TMEM135: variants seen among roughly 807,000 people sequenced by gnomAD.
TMEM135 encodes peroxisomal membrane protein 52.
Under a neutral mutation model 60.3 loss-of-function variants are expected in TMEM135, and 30 were observed. That is an observed-to-expected ratio of 0.50 (90% CI 0.37 to 0.68). The LOEUF is 0.68. TMEM135 is among the 30% of genes least tolerant of loss of function. The pLI is 0.00. For synonymous variants in TMEM135, 190 were observed against 186.7 expected (o/e 1.02, Z -0.14); for missense variants, 468 against 548.8 (o/e 0.85, Z 1.47).
chr11:87,315,148 C>T (rs1485619744), intron 12 of TMEM135, among the ~76,000 whole-genome samples: 2 of 150,798 alleles, frequency 1.3e-5, no homozygotes, highest in African/African-American at 4.9e-5. Context: ...TGCTTTTCTT[C>T]CTCCTCCTCC....
At chr11:87,086,147 C>CT (rs1162717870) in intron 3 of TMEM135, among the ~76,000 whole-genome samples, 2 of 152,260 alleles carry the variant, frequency 1.3e-5, no homozygotes, top group Non-Finnish European at 2.9e-5. Context: ...CTATAATACA[C>CT]TTTTTTTCTG....
chr11:87,289,821 A>G (rs981192083), intron 6 of TMEM135, among the ~76,000 whole-genome samples: 2 of 151,866 alleles, frequency 1.3e-5, no homozygotes, highest in Non-Finnish European at 2.9e-5. Context: ...TCTACTTTCT[A>G]CTTTTCACTT....
chr11:87,180,153 TG>T (rs1939478081), intron 5 of TMEM135, among the ~76,000 whole-genome samples: 2 of 152,158 alleles, frequency 1.3e-5, no homozygotes, highest in Admixed American at 1.3e-4. Flanking sequence ...TTCTGGTTTT[TG>T]TTTTACTTTT....
chr11:87,145,843 A>G (rs996401477), intron 4 of TMEM135, among the ~76,000 whole-genome samples: 1 of 151,830 alleles, frequency 6.6e-6, no homozygotes, highest in Non-Finnish European at 1.5e-5. Flanking sequence ...TCTTTATTGG[A>G]TGGATGGTTT....
intron 6 of TMEM135, among the ~76,000 whole-genome samples, chr11:87,237,547 C>G (rs1941025943): frequency 6.6e-6 from 1 of 151,668 alleles, no homozygotes; most frequent in African/African-American, 2.4e-5. Context: ...TAAAACAATC[C>G]AACCATACCA....
chr11:87,260,789 T>G (rs527929563), intron 6 of TMEM135, among the ~76,000 whole-genome samples: 1 of 152,286 alleles, frequency 6.6e-6, no homozygotes. Context: ...GTGCAGTTGT[T>G]GTTAATAAAC....
At chr11:87,306,208 A>T (rs2135444219) in intron 9 of TMEM135, among the ~76,000 whole-genome samples, 1 of 152,348 alleles carries the variant, frequency 6.6e-6, no homozygotes, top group South Asian at 2.1e-4. Flanking sequence ...ATCCTTAAAT[A>T]ATTTAAAAAA....
In TMEM135 at chr11:87,328,800, C is replaced by A. The variant is rs938813281; in HGVS notation, c.*7467C>A. The A allele has an allele frequency of 5.7e-5, 26 of 453,892 alleles. No individual in the cohort carries two copies. The highest frequency in any genetic ancestry group is 1.0e-4 in the Non-Finnish European group (23 of 226,772). The allele number at this position is 453,892 out of a possible 1,614,324, so 28.1% of individuals were successfully genotyped here. A position where few individuals can be genotyped will look rare whatever the true frequency, so the allele number is the denominator to read the frequency against. The stretch of plus-strand genomic sequence containing the variant: ...TCTTTGCAATTGTGAACTGTGTTAA[C>A]AATAAAAATATATATACGAGTGTCT... On this transcript the variant is annotated 3_prime_UTR_variant, in exon 15 of 15. Coordinates refer to ENST00000305494, the MANE Select transcript of TMEM135 (RefSeq NM_022918.4).
At chr11:87,104,649 T>G (rs1027564577) in intron 4 of TMEM135, among the ~76,000 whole-genome samples, 2 of 152,222 alleles carry the variant, frequency 1.3e-5, no homozygotes, top group African/African-American at 4.8e-5. Context: ...TGGTTAAATA[T>G]ACCCCTAAGG....
chr11:87,227,062 C>G (rs1306296129), intron 5 of TMEM135, among the ~76,000 whole-genome samples: 2 of 151,864 alleles, frequency 1.3e-5, no homozygotes, highest in African/African-American at 2.4e-5. Context: ...AAAAGAAAAA[C>G]AAAAACAAAA....
chr11:87,158,126 A>G (rs544366478), intron 5 of TMEM135, among the ~76,000 whole-genome samples: 3 of 152,240 alleles, frequency 2.0e-5, no homozygotes, highest in East Asian at 1.9e-4. Flanking sequence ...GGGTCTTGCT[A>G]TGTTGCTTAG....
Position 87,302,411 on chromosome 11 carries a change from A to C in TMEM135, c.667A>C (p.Ile223Leu). 6.2e-7 allele frequency: 1 copy of C among 1,613,872 alleles called. No homozygotes were observed. The highest frequency in any genetic ancestry group is 8.5e-7 in the Non-Finnish European group (1 of 1,179,890). The change falls in exon 8 of 15, where the codon ATT becomes CTT. Residue 223 changes from isoleucine (I) to leucine (L), a missense_variant. By Grantham distance (5) the Ile-to-Leu change is conservative (BLOSUM62 2). Transcript: ENST00000305494. Reference sequence around the variant, plus strand: ...GGAAAAACCCGGAAGAATGAATATGATTGGTCTAGTCAGGAAATTTGTGGA... The same window carrying C: ...GGAAAAACCCGGAAGAATGAATATGCTTGGTCTAGTCAGGAAATTTGTGGA... ...HEEKPGRMNM[I>L]GLVRKFVDSI...
intron 6 of TMEM135, among the ~76,000 whole-genome samples, chr11:87,282,468 T>C (rs141717433): frequency 0.025 from 3,790 of 152,314 alleles, 69 homozygotes; most frequent in Non-Finnish European, 0.036. Context: ...TTTCACCATC[T>C]TGGCCAGGCT....
intron 7 of TMEM135, among the ~76,000 whole-genome samples, chr11:87,300,648 G>C (rs1565162913): frequency 1.3e-5 from 2 of 152,160 alleles, no homozygotes; most frequent in Non-Finnish European, 2.9e-5. Flanking sequence ...CTATTACTAT[G>C]TTCATTCATT....
chr11:87,178,349 A>AT (rs1939432406), intron 5 of TMEM135: 1 of 450,704 alleles, frequency 2.2e-6, no homozygotes, highest in Non-Finnish European at 4.4e-6. Flanking sequence ...ATTATGCCAC[A>AT]ATCTAAACTC....
At chr11:87,135,525 A>C (rs1938070409) in intron 4 of TMEM135, among the ~76,000 whole-genome samples, 1 of 132,308 alleles carries the variant, frequency 7.6e-6, no homozygotes, top group African/African-American at 2.8e-5. Context: ...TTACGTTTGC[A>C]CTATTGTTGA....
At chr11:87,185,296 G>A (rs919543561) in intron 5 of TMEM135, among the ~76,000 whole-genome samples, 2 of 152,056 alleles carry the variant, frequency 1.3e-5, no homozygotes, top group Non-Finnish European at 2.9e-5. Flanking sequence ...AGATCTATAT[G>A]TTCCAGTTAG....
chr11:87,177,871 A>C (rs552958151), intron 5 of TMEM135, among the ~76,000 whole-genome samples: 1 of 152,290 alleles, frequency 6.6e-6, no homozygotes, highest in East Asian at 1.9e-4. Context: ...CCAAATGTAT[A>C]GGTTCAGTAA....
chr11:87,152,171 A>G (rs2135260648), intron 4 of TMEM135, among the ~76,000 whole-genome samples: 1 of 152,234 alleles, frequency 6.6e-6, no homozygotes, highest in East Asian at 1.9e-4. Context: ...CTACCTTTGT[A>G]CTGTTAAGTC....
Sources: gnomAD v4.1 joint callset for allele counts (sites outside exome capture counted in the v4.1 genomes callset) on GRCh38, gnomAD v4.1.1 for gene constraint, MANE v1.5 for transcripts, NCBI Gene and HGNC (gene_info 2026-07-23, HGNC 2026-07-21) for gene names.